The following CELF2 variants were observed in gnomAD, a reference collection of about 807,000 sequenced individuals.
CELF2 encodes the protein CUGBP Elav-like family member 2, also known as CUG triplet repeat RNA-binding protein 2.
A neutral mutation model predicts 62.6 loss-of-function variants in CELF2; 8 were observed. The ratio of observed to expected loss-of-function variants is 0.13; its 90% CI spans 0.07 to 0.23. The LOEUF is 0.23. CELF2 is among the 10% of genes least tolerant of loss of function. The pLI is 1.00. For synonymous variants in CELF2, 258 were observed against 250.0 expected, an observed-to-expected ratio of 1.03 and a Z score of -0.30; for missense variants, 333 against 671.0, an observed-to-expected ratio of 0.50 and a Z score of 5.56.
Position 11,018,160 on chromosome 10 carries a change from G to A in CELF2, c.71G>A (p.Arg24Lys), listed in dbSNP as rs2057601464. The A allele has an allele frequency of 6.6e-7, 1 of 1,521,234 alleles. No individual in the cohort carries two copies. 94.2% of individuals were successfully genotyped at this position (1,521,234 alleles called of 1,614,324 possible). The change falls in exon 1 of 13, where the codon AGA becomes AAA. Residue 24 changes from arginine (R) to lysine (K), a missense_variant. This residue lies in a region of CELF2 where 45 missense variants were observed against 39.8 expected (regional missense o/e 1.13). Coordinates refer to ENST00000633077, the MANE Select transcript of CELF2 (RefSeq NM_001326342.2). ...GAGGGCCGCCTGCTCGTTCCTGACA[G>A]AATGTGAGTGGCGCCGCGTCCCGAG... is the stretch of plus-strand genomic sequence containing the variant. Reference protein sequence around the residue: ...MVEGRLLVPDRINGTANKMNG... With the variant: ...MVEGRLLVPDKINGTANKMNG...
the CELF2 span, among the ~76,000 whole-genome samples, chr10:10,667,201 A>G: frequency 2.0e-5 from 3 of 152,238 alleles, no homozygotes; most frequent in African/African-American, 7.2e-5. Context: ...TGGAAGCTAT[A>G]GTTATTACTA....
the CELF2 span, among the ~76,000 whole-genome samples, chr10:10,663,579 TC>T: frequency 6.6e-6 from 1 of 152,208 alleles, no homozygotes. Flanking sequence ...GTTCACTATT[TC>T]TCACATAATG....
Position 11,121,695 on chromosome 10 carries a change from A to ATTTT in CELF2, c.75-43786_75-43783dup, listed in dbSNP as rs201186281. On this transcript the variant is annotated intron_variant, in intron 1 of 12. Transcript: ENST00000633077. ...GCTTGCCTAGTGCTAAGAGGCTAGT[A>ATTTT]TTTTTTTTGTTTTTTTTACTGTCTT... Among the ~76,000 whole-genome samples, 107 of 150,678 alleles carry ATTTT rather than the reference A, an allele frequency of 7.1e-4. 1 individual carries two copies. The highest frequency in any genetic ancestry group is 1.4e-3 in the Non-Finnish European group (93 of 67,612).
the CELF2 span, among the ~76,000 whole-genome samples, chr10:10,468,430 T>A: frequency 1.3e-5 from 2 of 152,020 alleles, no homozygotes; most frequent in East Asian, 1.9e-4. Context: ...CCATCTCCTG[T>A]TACAATTCCT....
chr10:11,147,248 T>C (rs79846190), intron 1 of CELF2, among the ~76,000 whole-genome samples: 8,522 of 152,232 alleles, frequency 0.056, 288 homozygotes, highest in African/African-American at 0.087. Context: ...TTGTGAAGGA[T>C]GATACTTTGG....
the CELF2 span, among the ~76,000 whole-genome samples, chr10:10,656,545 A>G: frequency 7.4e-6 from 1 of 134,968 alleles, no homozygotes; most frequent in Non-Finnish European, 1.6e-5. Flanking sequence ...GCAGCCATAA[A>G]AAATGATGAG....
chr10:10,951,908 T>A (rs556926475), intron 2 of CELF2: 1 of 152,488 alleles, frequency 6.6e-6, no homozygotes, highest in Admixed American at 6.5e-5. Context: ...GGATCCCATC[T>A]CCAAAACTCC....
the CELF2 span, among the ~76,000 whole-genome samples, chr10:10,507,477 A>T: frequency 6.6e-6 from 1 of 152,202 alleles, no homozygotes; most frequent in Admixed American, 6.5e-5. Flanking sequence ...AATGCAAAAA[A>T]TCTACAAAAT....
chr10:11,250,407 C>T (rs1033014459), intron 4 of CELF2, among the ~76,000 whole-genome samples: 7 of 152,248 alleles, frequency 4.6e-5, no homozygotes, highest in Non-Finnish European at 1.0e-4. Context: ...CTGTCTTCTC[C>T]TCAGCCCTGC....
chr10:10,903,199 C>T (rs1182300474), intron 1 of CELF2, among the ~76,000 whole-genome samples: 4 of 152,136 alleles, frequency 2.6e-5, no homozygotes, highest in African/African-American at 7.2e-5. Flanking sequence ...TCACATTATT[C>T]CATTTGCATT....
intron 1 of CELF2, among the ~76,000 whole-genome samples, chr10:10,875,488 T>G (rs2061024834): frequency 6.6e-6 from 1 of 152,214 alleles, no homozygotes; most frequent in South Asian, 2.1e-4. Flanking sequence ...ACACAATCTT[T>G]GGTTTCTCTC....
the CELF2 span, among the ~76,000 whole-genome samples, chr10:10,556,753 TG>T: frequency 6.6e-6 from 1 of 152,112 alleles, no homozygotes; most frequent in African/African-American, 2.4e-5. Context: ...TATCTCATTG[TG>T]GTTTTGATTT....
In CELF2 at chr10:11,088,081, C is replaced by T. The variant is rs576888074; in HGVS notation, c.74+69918C>T. On this transcript the variant is annotated intron_variant, in intron 1 of 12. Transcript: ENST00000633077. Reference sequence around the variant, plus strand: ...AGGTGTGATTTGAGCCTTTAATGAACGTTGTGCTTCAGTAGAGGAGGTGAG... The same window carrying T: ...AGGTGTGATTTGAGCCTTTAATGAATGTTGTGCTTCAGTAGAGGAGGTGAG... 1.8e-4 allele frequency among the ~76,000 whole-genome samples: 27 copies of T among 152,272 alleles called. No homozygotes were observed. In the South Asian group the frequency reaches 5.0e-3, roughly 28 times the overall value.
the CELF2 span, among the ~76,000 whole-genome samples, chr10:10,569,411 G>C: frequency 2.6e-5 from 4 of 152,120 alleles, no homozygotes; most frequent in African/African-American, 9.7e-5. Context: ...GAAAAGTATG[G>C]AGGAAATGGA....
At chr10:11,163,618 A>G (rs928320347) in intron 1 of CELF2, among the ~76,000 whole-genome samples, 3 of 152,270 alleles carry the variant, frequency 2.0e-5, no homozygotes, top group South Asian at 2.1e-4. Context: ...TATTTTATTC[A>G]GCAGAACATT....
chr10:10,474,096 T>G, the CELF2 span, among the ~76,000 whole-genome samples: 1 of 152,012 alleles, frequency 6.6e-6, no homozygotes, highest in Non-Finnish European at 1.5e-5. Flanking sequence ...AGGAAAGAAG[T>G]CCTTGGATAT....
rs1171588341 is a variant in CELF2 at position 11,243,827 on chromosome 10, A to G, written c.355-5326A>G. On this transcript the variant is annotated intron_variant, in intron 3 of 12. Coordinates refer to ENST00000633077, the MANE Select transcript of CELF2 (RefSeq NM_001326342.2). This position sits in a 1 kb window ranked among gnomAD's most constrained non-coding sequence, Gnocchi z 4.1. ...AACTTCCCATTCTGTGTGGCTGGAG[A>G]TGCAGCCTCAGTTTAATTAGCACAC... Among the ~76,000 whole-genome samples the G allele has an allele frequency of 2.0e-5, 3 of 152,234 alleles. No homozygotes were observed. Among genetic ancestry groups the G allele is most frequent in the Non-Finnish European group, 4.4e-5 (3 of 68,036 alleles).
chr10:11,112,680 T>C (rs944340987), intron 1 of CELF2, among the ~76,000 whole-genome samples: 2 of 152,198 alleles, frequency 1.3e-5, no homozygotes, highest in African/African-American at 2.4e-5. Context: ...GGAAAAGCAA[T>C]AGTAATGATC....
At chr10:10,696,741 A>G in the CELF2 span, among the ~76,000 whole-genome samples, 2 of 152,146 alleles carry the variant, frequency 1.3e-5, no homozygotes. Context: ...AAAGCGCAGT[A>G]TTTGGGTGGG....
Sources: gnomAD v4.1 joint callset for allele counts (sites outside exome capture counted in the v4.1 genomes callset) on GRCh38, gnomAD v4.1.1 for gene constraint, gnomAD v4.1.1 regional missense constraint, Gnocchi (gnomAD v3.1) non-coding constraint, MANE v1.5 for transcripts, NCBI Gene and HGNC (gene_info 2026-07-23, HGNC 2026-07-21) for gene names.